Variants in IMPG1 observed in about 807,000 individuals in gnomAD.
The protein encoded by IMPG1 is interphotoreceptor matrix proteoglycan 1, also known as interphotoreceptor matrix proteoglycan of 150 kDa.
A neutral mutation model predicts 92.0 loss-of-function variants in IMPG1; 85 were observed. The observed-to-expected ratio is 0.92, with a 90% CI of 0.78 to 1.11. The LOEUF (loss-of-function observed/expected upper bound fraction) is 1.11. Among genes scored for constraint, IMPG1 ranks in the 50% least tolerant of loss-of-function variants. IMPG1 has a pLI of 0.00. For missense variants in IMPG1, 1,022 were observed against 956.0 expected, an observed-to-expected ratio of 1.07 and a Z score of -0.91; for synonymous variants, 367 against 334.1, an observed-to-expected ratio of 1.10 and a Z score of -1.08.
chr6:76,054,528 C>T (rs1784090169), intron 1 of IMPG1, among the ~76,000 whole-genome samples: 1 of 152,040 alleles, frequency 6.6e-6, no homozygotes, highest in Non-Finnish European at 1.5e-5. Context: ...TCAAAAGACA[C>T]AGAGGTTAAA....
At chr6:75,935,102 C>T (rs1781722615) in intron 14 of IMPG1, 1 of 454,182 alleles carries the variant, frequency 2.2e-6, no homozygotes, top group Admixed American at 2.4e-5. Flanking sequence ...CTAGATGGCG[C>T]TCAATAGCAA....
intron 14 of IMPG1, among the ~76,000 whole-genome samples, chr6:75,942,836 A>G (rs184849280): frequency 1.1e-4 from 17 of 152,340 alleles, no homozygotes; most frequent in Admixed American, 1.0e-3. Context: ...TTTAAAATTT[A>G]GATATGCATT....
At chr6:75,959,473 C>T (rs1313868192) in intron 12 of IMPG1, among the ~76,000 whole-genome samples, 1 of 152,198 alleles carries the variant, frequency 6.6e-6, no homozygotes, top group Middle Eastern at 3.2e-3. Flanking sequence ...TCCACAGCCC[C>T]CCCTTCCCCC....
At chr6:75,954,910 A>T (rs1258876962) in intron 12 of IMPG1, among the ~76,000 whole-genome samples, 5 of 152,200 alleles carry the variant, frequency 3.3e-5, no homozygotes, top group Non-Finnish European at 7.3e-5. Context: ...TTTGTCAAAG[A>T]TCAGATGATT....
intron 4 of IMPG1, among the ~76,000 whole-genome samples, chr6:76,033,411 A>G (rs1783684774): frequency 6.6e-6 from 1 of 152,214 alleles, no homozygotes; most frequent in South Asian, 2.1e-4. Flanking sequence ...TCAGAATGGC[A>G]AGAGGAAGAT....
chr6:76,030,009 A>G (rs1348349078), intron 4 of IMPG1, among the ~76,000 whole-genome samples: 1 of 152,092 alleles, frequency 6.6e-6, no homozygotes, highest in Non-Finnish European at 1.5e-5. Flanking sequence ...AGGTATCCAG[A>G]GGCAAATTAC....
At chr6:76,056,241 C>T (rs956215439) in intron 1 of IMPG1, among the ~76,000 whole-genome samples, 1 of 152,014 alleles carries the variant, frequency 6.6e-6, no homozygotes, top group Non-Finnish European at 1.5e-5. Flanking sequence ...TTGGCAATCT[C>T]AATACACATA....
In IMPG1 at chr6:75,991,106, T is replaced by C. The variant is rs144529664; in HGVS notation, c.1291+11812A>G. 4.6e-4 allele frequency among the ~76,000 whole-genome samples: 70 copies of C among 152,258 alleles called. 1 individual carries two copies. The highest frequency in any genetic ancestry group is 1.6e-3 in the African/African-American group (65 of 41,558). ...TGCATGAAGGATGCTTCTCACTTTC[T>C]GTAAAAATGGACACGGTGGTTCACG... On this transcript the variant is annotated intron_variant, in intron 12 of 16. Coordinates refer to ENST00000369950, the MANE Select transcript of IMPG1 (RefSeq NM_001563.4).
intron 12 of IMPG1, among the ~76,000 whole-genome samples, chr6:75,977,608 A>G (rs922082392): frequency 6.6e-6 from 1 of 151,890 alleles, no homozygotes; most frequent in Non-Finnish European, 1.5e-5. Flanking sequence ...AAAACAAAAA[A>G]AAACCCCCAA....
At chr6:76,036,343 C>T (rs1330552245) in intron 2 of IMPG1, among the ~76,000 whole-genome samples, 3 of 152,180 alleles carry the variant, frequency 2.0e-5, no homozygotes, top group African/African-American at 4.8e-5. Flanking sequence ...CCTTTTTTAA[C>T]ACTGATTTCT....
At chr6:76,051,219 C>T (rs1784037913) in intron 1 of IMPG1, among the ~76,000 whole-genome samples, 1 of 152,174 alleles carries the variant, frequency 6.6e-6, no homozygotes, top group Non-Finnish European at 1.5e-5. Context: ...TCATTATGCC[C>T]TGGTCCTCCC....
Position 75,974,375 on chromosome 6 carries a change from CTTTCTTTCTTTCTTTCT to C in IMPG1, c.1292-23298_1292-23282del, listed in dbSNP as rs1489975173. Among the ~76,000 whole-genome samples the C allele has an allele frequency of 5.8e-4, 48 of 83,442 alleles. 1 individual carries two copies. Among genetic ancestry groups the C allele is most frequent in the African/African-American group, 2.0e-3 (41 of 20,404 alleles). 54.7% of individuals were successfully genotyped at this position (83,442 alleles called of 152,430 possible). ...TCTTTCTTTCTTTCTTTCTTTCTTT[CTTTCTTTCTTTCTTTCT>C]TTTCTTTCTTTCCTTCCTTCCTTCC... On this transcript the variant is annotated intron_variant, in intron 12 of 16. Coordinates refer to ENST00000369950, the MANE Select transcript of IMPG1 (RefSeq NM_001563.4).
chr6:76,036,371 A>C (rs1397760640), intron 2 of IMPG1, among the ~76,000 whole-genome samples: 1 of 152,238 alleles, frequency 6.6e-6, no homozygotes, highest in African/African-American at 2.4e-5. Flanking sequence ...CCCTGTTTAG[A>C]ATATTGCATT....
intron 12 of IMPG1, among the ~76,000 whole-genome samples, chr6:75,977,377 T>G (rs977168798): frequency 6.6e-6 from 1 of 151,978 alleles, no homozygotes; most frequent in Non-Finnish European, 1.5e-5. Flanking sequence ...CAATTGAGAT[T>G]GGGAGTTCGC....
chr6:76,057,489 A>C (rs977756131), intron 1 of IMPG1, among the ~76,000 whole-genome samples: 2 of 152,120 alleles, frequency 1.3e-5, no homozygotes, highest in Non-Finnish European at 2.9e-5. Context: ...GTGGGGCTTA[A>C]ATTGCATACC....
At chr6:75,923,823 A>G in intron 15 of IMPG1, 117 bp from the exon 16 acceptor site, 1 of 606,632 alleles carries the variant, frequency 1.6e-6, no homozygotes, top group Non-Finnish European at 2.9e-6. Flanking sequence ...TAGATAGCAT[A>G]TTTTTGCAGG....
intron 12 of IMPG1, among the ~76,000 whole-genome samples, chr6:75,999,965 G>C (rs1562364571): frequency 2.6e-5 from 4 of 152,200 alleles, no homozygotes; most frequent in Non-Finnish European, 5.9e-5. Flanking sequence ...TCCAGGGAGG[G>C]CCTTAAAGGA....
chr6:76,055,135 G>A (rs1438930920), intron 1 of IMPG1, among the ~76,000 whole-genome samples: 3 of 151,616 alleles, frequency 2.0e-5, no homozygotes, highest in Non-Finnish European at 4.4e-5. Context: ...TCAAGCAGAG[G>A]GAAAATAAAC....
intron 1 of IMPG1, among the ~76,000 whole-genome samples, chr6:76,046,109 C>T (rs1213768025): frequency 1.3e-5 from 2 of 151,904 alleles, no homozygotes; most frequent in Non-Finnish European, 2.9e-5. Context: ...AAATAACCAC[C>T]TTTACTTTAA....
Sources: allele counts gnomAD v4.1 joint callset (sites outside exome capture counted in the v4.1 genomes callset), GRCh38; gene constraint gnomAD v4.1.1; transcripts MANE v1.5; gene names NCBI Gene and HGNC (gene_info 2026-07-23, HGNC 2026-07-21).